The following SYNE2 variants were observed in gnomAD, a reference collection of about 807,000 sequenced individuals.
SYNE2 encodes the protein spectrin repeat containing nuclear envelope protein 2, also known as nesprin-2.
SYNE2 carries 431 observed loss-of-function variants against 856.3 expected under a neutral mutation model. That is an observed-to-expected ratio of 0.50 (90% CI 0.47 to 0.55). The LOEUF is 0.55. Among genes scored for constraint, SYNE2 ranks in the 20% least tolerant of loss-of-function variants. The pLI, the probability that SYNE2 is intolerant of heterozygous loss-of-function variation, is 0.00. For synonymous variants in SYNE2, 2,923 were observed against 2,872.3 expected (o/e 1.02, Z -0.56); for missense variants, 8,129 against 8,023.2 (o/e 1.01, Z -0.50).
intron 85 of SYNE2, among the ~76,000 whole-genome samples, chr14:64,153,642 G>A (rs28562464): frequency 0.044 from 6,740 of 152,238 alleles, 189 homozygotes; most frequent in African/African-American, 0.062. Context: ...ATTGTGTGAG[G>A]TACTGTGCTC....
chr14:63,849,965 T>C (rs1212890738), upstream of SYNE2, among the ~76,000 whole-genome samples: 2 of 152,174 alleles, frequency 1.3e-5, no homozygotes, highest in Non-Finnish European at 2.9e-5. Context: ...GCAAAACTTA[T>C]GCTTATTGCA....
chr14:63,792,573 G>A (rs898791416), intron 1 of SYNE2, among the ~76,000 whole-genome samples: 3 of 151,956 alleles, frequency 2.0e-5, no homozygotes, highest in African/African-American at 7.2e-5. Context: ...AAAAGAGCTG[G>A]AATAACTATA....
intron 54 of SYNE2, among the ~76,000 whole-genome samples, chr14:64,076,332 TCTC>T (rs2097459095): frequency 1.3e-5 from 2 of 152,334 alleles, no homozygotes; most frequent in Admixed American, 1.3e-4. Context: ...TGCTTATTCT[TCTC>T]TTGCATTTTA....
Position 63,950,001 on chromosome 14 carries a change from C to T in SYNE2, c.585C>T (p.Cys195=), listed in dbSNP as rs762405319. 2.0e-5 allele frequency: 32 copies of T among 1,613,906 alleles called. No individual in the cohort carries two copies. Among genetic ancestry groups the T allele is most frequent in the African/African-American group, 2.7e-5 (2 of 74,890 alleles). Residue 195 remains cysteine, a synonymous_variant, in exon 7 of 116, where the codon TGC becomes TGT. Coordinates refer to ENST00000555002, the MANE Select transcript of SYNE2 (RefSeq NM_182914.3). ...TTCTTTTGTGGGCTCAGGAACAATGCGCCACGTAAGTAGTTTGCTATGACC... is the reference window on the plus strand; with the variant it reads ...TTCTTTTGTGGGCTCAGGAACAATGTGCCACGTAAGTAGTTTGCTATGACC... The part of the protein sequence containing the change: ...KALLLWAQEQ[C]ATYESVNVTD...
At chr14:64,173,019 C>T (rs2098418218) in intron 94 of SYNE2, among the ~76,000 whole-genome samples, 1 of 152,006 alleles carries the variant, frequency 6.6e-6, no homozygotes, top group South Asian at 2.1e-4. Context: ...GTGGTTACAT[C>T]TGGGTCTTCT....
At chr14:63,833,874 T>A (rs558462083) in intron 1 of SYNE2, among the ~76,000 whole-genome samples, 8 of 57,650 alleles carry the variant, frequency 1.4e-4, no homozygotes, top group Admixed American at 4.4e-4. Flanking sequence ...AAATGCAGAT[T>A]TTTTTTTAAT....
chr14:64,058,188 C>A (rs1004057036), intron 49 of SYNE2, among the ~76,000 whole-genome samples: 2 of 152,168 alleles, frequency 1.3e-5, no homozygotes, highest in African/African-American at 4.8e-5. Flanking sequence ...CCAAAGAAAT[C>A]TTTGCCCAGT....
intron 36 of SYNE2, 147 bp from the exon 37 acceptor site, chr14:64,021,710 T>A: frequency 9.9e-7 from 1 of 1,010,948 alleles, no homozygotes. Context: ...TAACTTGCAT[T>A]GTATCATACA....
At chr14:64,004,057 G>C (rs1202118503) in intron 30 of SYNE2, among the ~76,000 whole-genome samples, 1 of 151,484 alleles carries the variant, frequency 6.6e-6, no homozygotes, top group Non-Finnish European at 1.5e-5. Flanking sequence ...ACAGAGTCTT[G>C]CTCTGTCAAC....
At chr14:63,913,677 G>A (rs1315574977) in intron 2 of SYNE2, among the ~76,000 whole-genome samples, 1 of 151,472 alleles carries the variant, frequency 6.6e-6, no homozygotes, top group Non-Finnish European at 1.5e-5. Context: ...TGGCCAGGTT[G>A]GTCTCTAACT....
chr14:64,159,709 C>T (rs2098313273), intron 87 of SYNE2, among the ~76,000 whole-genome samples: 1 of 152,112 alleles, frequency 6.6e-6, no homozygotes, highest in Middle Eastern at 3.2e-3. Context: ...ACAGTATAGA[C>T]CAAATGTCAA....
chr14:64,126,899 A>G (rs2097951702), intron 73 of SYNE2, 92 bp downstream of exon 73: 12 of 1,319,148 alleles, frequency 9.1e-6, no homozygotes, highest in Non-Finnish European at 1.3e-5. Context: ...GACATTTGTT[A>G]ATAAGAATTG....
In SYNE2 at chr14:63,967,843, C is replaced by T; in HGVS notation, c.1125C>T (p.His375=). The T allele has an allele frequency of 5.0e-6, 8 of 1,613,892 alleles. No homozygotes were observed. Among genetic ancestry groups the T allele is most frequent in the South Asian group, 1.1e-5 (1 of 91,078 alleles). ...GAGAAGCCTGGGATGGCCTCGATCA[C>T]CAGGTGACTGTTTGTGTTGATTAGA... The part of the protein sequence containing the change: ...QLREAWDGLD[H]QINAWKIKLN... Residue 375 remains histidine, a synonymous_variant, in exon 11 of 116, where the codon CAC becomes CAT. Transcript: ENST00000555002.
At chr14:64,176,391 C>A (rs2098435569) in intron 95 of SYNE2, among the ~76,000 whole-genome samples, 1 of 152,254 alleles carries the variant, frequency 6.6e-6, no homozygotes, top group East Asian at 1.9e-4. Flanking sequence ...ATAATACTTT[C>A]CTTGTCTATC....
At chr14:63,832,414 T>C (rs1889705292) in intron 1 of SYNE2, among the ~76,000 whole-genome samples, 1 of 151,956 alleles carries the variant, frequency 6.6e-6, no homozygotes, top group African/African-American at 2.4e-5. Context: ...GTGCTGGGAT[T>C]ACAGGCGTGA....
chr14:63,908,986 C>A, intron 1 of SYNE2, 112 bp from the exon 2 acceptor site: 1 of 669,884 alleles, frequency 1.5e-6, no homozygotes, highest in East Asian at 2.7e-5. Context: ...TAGTAGAAAG[C>A]CATACTTGTT....
chr14:64,055,125 G>A (rs1382788624), intron 48 of SYNE2, among the ~76,000 whole-genome samples: 1 of 152,118 alleles, frequency 6.6e-6, no homozygotes, highest in African/African-American at 2.4e-5. Context: ...ATTCAATGAT[G>A]TACCTAAACT....
intron 96 of SYNE2, among the ~76,000 whole-genome samples, chr14:64,178,636 T>C (rs542136265): frequency 6.6e-6 from 1 of 152,300 alleles, no homozygotes; most frequent in South Asian, 2.1e-4. Context: ...TTTTTCTATT[T>C]TTTGTAGAGA....
At chr14:63,802,831 G>C (rs1045602907) in intron 1 of SYNE2, among the ~76,000 whole-genome samples, 2 of 152,030 alleles carry the variant, frequency 1.3e-5, no homozygotes, top group East Asian at 1.9e-4. Flanking sequence ...TTAAGTCAGC[G>C]TGTCTGGAGT....
Sources: gnomAD v4.1 joint callset for allele counts (sites outside exome capture counted in the v4.1 genomes callset) on GRCh38, gnomAD v4.1.1 for gene constraint, MANE v1.5 for transcripts, NCBI Gene and HGNC (gene_info 2026-07-23, HGNC 2026-07-21) for gene names.